CCDC7: variants seen among roughly 807,000 people sequenced by gnomAD.
The protein encoded by CCDC7 is coiled-coil domain-containing protein 7.
In CCDC7, 183 loss-of-function variants were observed where a neutral mutation model predicts 196.9. The observed-to-expected ratio is 0.93, with a 90% CI of 0.82 to 1.05. The LOEUF (loss-of-function observed/expected upper bound fraction) is 1.05. Among genes scored for constraint, CCDC7 ranks in the 50% least tolerant of loss-of-function variants. The pLI is 0.00. For missense variants in CCDC7, 1,540 were observed against 1,482.2 expected (o/e 1.04, Z -0.64); for synonymous variants, 525 against 484.6 (o/e 1.08, Z -1.10).
intron 5 of CCDC7, among the ~76,000 whole-genome samples, chr10:32,463,741 A>G (rs928694543): frequency 1.3e-5 from 2 of 152,230 alleles, no homozygotes; most frequent in African/African-American, 4.8e-5. Context: ...AAGGATAAAT[A>G]TAGATAGAAC....
intron 28 of CCDC7, among the ~76,000 whole-genome samples, chr10:32,772,693 G>A (rs769233073): frequency 3.3e-5 from 5 of 152,198 alleles, no homozygotes; most frequent in Non-Finnish European, 7.4e-5. Context: ...ACTGGAATCT[G>A]GGAGTGCATG....
At chr10:32,845,791 A>ACG in intron 35 of CCDC7, 85 bp from the exon 37 acceptor site, 1 of 1,153,918 alleles carries the variant, frequency 8.7e-7, no homozygotes, top group Admixed American at 1.8e-5. Flanking sequence ...ACACACACAC[A>ACG]CACATACACA....
At chr10:32,840,954 G>A (rs534852448) in intron 33 of CCDC7, among the ~76,000 whole-genome samples, 6 of 151,930 alleles carry the variant, frequency 3.9e-5, no homozygotes, top group South Asian at 4.2e-4. Flanking sequence ...ATCCAGCATC[G>A]CTTTATGATT....
At chr10:32,587,571 T>G (rs1564744784) in intron 18 of CCDC7, among the ~76,000 whole-genome samples, 1 of 152,228 alleles carries the variant, frequency 6.6e-6, no homozygotes, top group Non-Finnish European at 1.5e-5. Flanking sequence ...TTCTAGTATA[T>G]GAACTTTAGG....
At chr10:32,659,350 C>T (rs1007499914) in intron 20 of CCDC7, among the ~76,000 whole-genome samples, 3 of 152,068 alleles carry the variant, frequency 2.0e-5, no homozygotes, top group African/African-American at 7.2e-5. Flanking sequence ...TGAAAAATTT[C>T]CTGTGATTGA....
At chr10:32,816,205 G>A (rs191818879) in intron 31 of CCDC7, among the ~76,000 whole-genome samples, 1,563 of 152,296 alleles carry the variant, frequency 0.01, 23 homozygotes, top group African/African-American at 0.034. Context: ...CGCATGGCTC[G>A]GAGGGTCCTG....
chr10:32,878,050 A>C (rs1163219743), downstream of CCDC7, among the ~76,000 whole-genome samples: 1 of 151,906 alleles, frequency 6.6e-6, no homozygotes, highest in Non-Finnish European at 1.5e-5. Flanking sequence ...CTCCTCCTAG[A>C]CCATCTTTTT....
At chr10:32,637,564 A>T (rs1195715083) in intron 20 of CCDC7, among the ~76,000 whole-genome samples, 2 of 151,396 alleles carry the variant, frequency 1.3e-5, no homozygotes, top group African/African-American at 4.9e-5. Flanking sequence ...ATTTCTGAGG[A>T]CTCTATTCTG....
At chr10:32,546,564 C>A (rs367682434) in intron 13 of CCDC7, among the ~76,000 whole-genome samples, 24 of 152,180 alleles carry the variant, frequency 1.6e-4, no homozygotes, top group African/African-American at 5.3e-4. Context: ...TATGTATACA[C>A]CTGAATGACC....
intron 8 of CCDC7, among the ~76,000 whole-genome samples, chr10:32,480,771 G>T (rs1157476198): frequency 6.6e-6 from 1 of 152,138 alleles, no homozygotes; most frequent in African/African-American, 2.4e-5. Flanking sequence ...CCTAACACAA[G>T]ATCTGTCCTT....
chr10:32,472,160 C>T (rs1333138634), intron 6 of CCDC7, among the ~76,000 whole-genome samples: 2 of 152,218 alleles, frequency 1.3e-5, no homozygotes, highest in East Asian at 1.9e-4. Context: ...CATCATTATA[C>T]GATTGATAAT....
intron 29 of CCDC7, among the ~76,000 whole-genome samples, chr10:32,779,620 A>G (rs1207640092): frequency 6.6e-6 from 1 of 152,212 alleles, no homozygotes; most frequent in Non-Finnish European, 1.5e-5. Flanking sequence ...AGATAAAACC[A>G]AAGTGTTCTG....
At chr10:32,741,907 G>A (rs886338322) in intron 28 of CCDC7, among the ~76,000 whole-genome samples, 33 of 152,182 alleles carry the variant, frequency 2.2e-4, no homozygotes, top group African/African-American at 7.9e-4. Context: ...CCTATGAACT[G>A]AACTTTTGTA....
intron 13 of CCDC7, among the ~76,000 whole-genome samples, chr10:32,564,351 C>T (rs535862466): frequency 2.3e-4 from 35 of 152,168 alleles, no homozygotes; most frequent in Middle Eastern, 6.8e-3. Flanking sequence ...CACATGCACA[C>T]GTATGTTTAT....
intron 8 of CCDC7, among the ~76,000 whole-genome samples, chr10:32,474,366 G>T (rs2038584707): frequency 6.6e-6 from 1 of 151,252 alleles, no homozygotes; most frequent in Non-Finnish European, 1.5e-5. Context: ...TGGGATTACA[G>T]GCATGCACCA....
Position 32,608,730 on chromosome 10 carries a change from G to A in CCDC7, c.1801+24426G>A, listed in dbSNP as rs373016325. Among the ~76,000 whole-genome samples the A allele has an allele frequency of 2.6e-5, 4 of 151,844 alleles. No individual in the cohort carries two copies. In the East Asian group the frequency reaches 7.7e-4, roughly 29 times the overall value. ...TAATTTTTGTATTTTTAAGAGAGACGGGGTTTTGCCATGTTTCCCAGGCTG... is the reference window on the plus strand; with the variant it reads ...TAATTTTTGTATTTTTAAGAGAGACAGGGTTTTGCCATGTTTCCCAGGCTG... On this transcript the variant is annotated intron_variant, in intron 18 of 41. Coordinates refer to ENST00000639629, the Ensembl canonical transcript of CCDC7.
intron 28 of CCDC7, among the ~76,000 whole-genome samples, chr10:32,733,787 G>T (rs1337904070): frequency 2.0e-5 from 3 of 152,048 alleles, no homozygotes; most frequent in South Asian, 2.1e-4. Flanking sequence ...TATTTATTGT[G>T]TGCAAATTTA....
upstream of CCDC7, among the ~76,000 whole-genome samples, chr10:32,451,315 A>G (rs2033004447): frequency 6.6e-6 from 1 of 152,230 alleles, no homozygotes; most frequent in South Asian, 2.1e-4. Flanking sequence ...TATAAAGGGC[A>G]TACCTTAGAT....
In CCDC7 at chr10:32,471,243, T is replaced by A; in HGVS notation, c.677+13T>A. 1 of 1,601,328 alleles carries A rather than the reference T, an allele frequency of 6.2e-7. No individual in the cohort carries two copies. The highest frequency in any genetic ancestry group is 2.2e-5 in the East Asian group (1 of 44,568). On this transcript the variant is annotated intron_variant, in intron 6 of 41. Transcript: ENST00000639629. ...TGTCTAAAACTATGTAAGTGAAATATAAGAACTAATTGAATTAAAAACAGT... is the reference window on the plus strand; with the variant it reads ...TGTCTAAAACTATGTAAGTGAAATAAAAGAACTAATTGAATTAAAAACAGT...
Sources: gnomAD v4.1 joint callset for allele counts (sites outside exome capture counted in the v4.1 genomes callset) on GRCh38, gnomAD v4.1.1 for gene constraint, MANE v1.5 for transcripts, NCBI Gene and HGNC (gene_info 2026-07-23, HGNC 2026-07-21) for gene names.